CD2AP: variants seen among roughly 807,000 people sequenced by gnomAD.
The protein encoded by CD2AP is CD2 associated protein.
CD2AP carries 46 observed loss-of-function variants against 85.1 expected under a neutral mutation model. That is an observed-to-expected ratio of 0.54 (90% CI 0.43 to 0.69). The LOEUF is 0.69. Among genes scored for constraint, CD2AP ranks in the 30% least tolerant of loss-of-function variants. The probability of loss-of-function intolerance (pLI) is 0.00; values close to 1 mark genes in which losing one functional copy is unlikely to be tolerated. For synonymous variants in CD2AP, 255 were observed against 252.9 expected, an observed-to-expected ratio of 1.01 and a Z score of -0.08; for missense variants, 769 against 729.5, an observed-to-expected ratio of 1.05 and a Z score of -0.62.
At chr6:47,497,306 TTTTCCTTTCCTTTCC>T (rs760711476) in intron 1 of CD2AP, among the ~76,000 whole-genome samples, 5 of 102,656 alleles carry the variant, frequency 4.9e-5, no homozygotes, top group Non-Finnish European at 7.3e-5. Context: ...CCCGTTCCCT[TTTTCCTTTCCTTTCC>T]TTTCCTTTCC....
chr6:47,624,526 T>C lies in CD2AP; in HGVS notation c.*299T>C. 1 of 324,386 alleles carries C rather than the reference T, an allele frequency of 3.1e-6. No homozygotes were observed. The highest frequency in any genetic ancestry group is 4.5e-5 in the Admixed American group (1 of 22,230). 20.1% of individuals were successfully genotyped at this position (324,386 alleles called of 1,614,324 possible). ...AAGAATGTGCACAGTAGTTTTTTTATTGAAACTTGTATTATTTTTAAAGAG... is the reference window on the plus strand; with the variant it reads ...AAGAATGTGCACAGTAGTTTTTTTACTGAAACTTGTATTATTTTTAAAGAG... On this transcript the variant is annotated 3_prime_UTR_variant, in exon 18 of 18. Transcript: ENST00000359314.
At chr6:47,559,175 C>G (rs1767777597) in intron 5 of CD2AP, among the ~76,000 whole-genome samples, 1 of 151,152 alleles carries the variant, frequency 6.6e-6, no homozygotes, top group African/African-American at 2.4e-5. Context: ...GTGATCTCCC[C>G]TTTATCATTT....
At chr6:47,554,541 G>T in intron 4 of CD2AP, 105 bp from the exon 5 acceptor site, 1 of 1,087,538 alleles carries the variant, frequency 9.2e-7, no homozygotes, top group Non-Finnish European at 1.4e-6. Flanking sequence ...TTATTTCATA[G>T]TGCTAATTTT....
intron 13 of CD2AP, among the ~76,000 whole-genome samples, chr6:47,604,608 G>T (rs1364139512): frequency 6.6e-6 from 1 of 151,940 alleles, no homozygotes; most frequent in African/African-American, 2.4e-5. Context: ...GCACACATCA[G>T]TGTAAAAGCA....
intron 1 of CD2AP, among the ~76,000 whole-genome samples, chr6:47,479,743 G>T (rs1475712762): frequency 3.9e-5 from 6 of 152,132 alleles, no homozygotes; most frequent in Admixed American, 6.5e-5. Flanking sequence ...ACCTGGGGAT[G>T]CAGTCTTGTT....
intron 4 of CD2AP, among the ~76,000 whole-genome samples, chr6:47,549,528 A>C (rs540679156): frequency 6.6e-6 from 1 of 151,932 alleles, no homozygotes; most frequent in African/African-American, 2.4e-5. Flanking sequence ...AGACCTCAAC[A>C]AGAAAAACTA....
At chr6:47,618,546 A>G (rs1344093242) in intron 17 of CD2AP, among the ~76,000 whole-genome samples, 1 of 152,206 alleles carries the variant, frequency 6.6e-6, no homozygotes, top group Non-Finnish European at 1.5e-5. Flanking sequence ...CAAATTAATG[A>G]AAGTGTACAT....
At chr6:47,534,458 G>A (rs1024936666) in intron 3 of CD2AP, among the ~76,000 whole-genome samples, 94 of 152,172 alleles carry the variant, frequency 6.2e-4, no homozygotes, top group African/African-American at 2.2e-3. Flanking sequence ...TGTAATCCCA[G>A]CACTTTGGGA....
At position 47,574,257 on chromosome 6, in the gene CD2AP, A is replaced by G; in HGVS notation, c.729+6A>G. 1 of 1,612,544 alleles carries G rather than the reference A, an allele frequency of 6.2e-7. No homozygotes were observed. The highest frequency in any genetic ancestry group is 8.5e-7 in the Non-Finnish European group (1 of 1,178,656). ...AAGAGAAAAAACCAGAAAAGGTGGT[A>G]ATGATGGACTTGTTAGATTAACTCC... On this transcript the variant is annotated splice_donor_region_variant and intron_variant, in intron 6 of 17. Transcript: ENST00000359314.
intron 17 of CD2AP, among the ~76,000 whole-genome samples, chr6:47,618,376 A>G (rs1416869825): frequency 6.6e-6 from 1 of 152,142 alleles, no homozygotes. Context: ...AGAGATGTAT[A>G]TATAATAACT....
chr6:47,595,903 C>A lies in CD2AP; in HGVS notation c.1151C>A (p.Ala384Asp), dbSNP rs1768927592. 14 of 1,612,806 alleles carry A rather than the reference C, an allele frequency of 8.7e-6. No individual in the cohort carries two copies. Among genetic ancestry groups the A allele is most frequent in the Non-Finnish European group, 1.1e-5 (13 of 1,179,084 alleles). ...GAACAGAAACCTTCTAAACCAGCAGCTCCACAAGTCCCACCCAAGAAACCT... is the reference window on the plus strand; with the variant it reads ...GAACAGAAACCTTCTAAACCAGCAGATCCACAAGTCCCACCCAAGAAACCT... ...TLEQKPSKPA[A>D]PQVPPKKPTP... Residue 384 changes from alanine (A) to aspartate (D), a missense_variant, in exon 12 of 18, where the codon GCT becomes GAT. Transcript: ENST00000359314.
chr6:47,599,530 GTGGATAAAGT>G (rs1769058461), intron 13 of CD2AP, 87 bp downstream of exon 13: 8 of 1,190,062 alleles, frequency 6.7e-6, no homozygotes, highest in Admixed American at 2.2e-5. Flanking sequence ...CAATTTGTGT[GTGGATAAAGT>G]TGGATAAAGT....
intron 4 of CD2AP, chr6:47,545,275 C>T (rs952521365): frequency 6.4e-6 from 1 of 155,106 alleles, no homozygotes; most frequent in Non-Finnish European, 1.4e-5. Flanking sequence ...CGAGAGAACC[C>T]ACAGACCCTC....
chr6:47,502,358 G>A (rs1766017172), intron 1 of CD2AP, among the ~76,000 whole-genome samples: 1 of 150,852 alleles, frequency 6.6e-6, no homozygotes, highest in East Asian at 1.9e-4. Context: ...GCTCACCAAT[G>A]CCTTGACCTC....
At position 47,579,433 on chromosome 6, in the gene CD2AP, G is replaced by C. The variant is rs1384978905; in HGVS notation, c.952G>C (p.Gly318Arg). ...GAGGGGCGAACTTAATGGTAAAGAA[G>C]GAGTATTTCCAGACAATTTTGCTGT... ...WWRGELNGKE[G>R]VFPDNFAVQI... is the part of the protein sequence containing the mutation. Residue 318 changes from glycine to arginine, a missense_variant, in exon 9 of 18, where the codon GGA (glycine) becomes CGA (arginine). Transcript: ENST00000359314. 6.2e-7 allele frequency: 1 copy of C among 1,613,668 alleles called. No homozygotes were observed.
chr6:47,599,487 T>C, intron 13 of CD2AP, 44 bp downstream of exon 13: 2 of 1,553,566 alleles, frequency 1.3e-6, no homozygotes, highest in Non-Finnish European at 1.8e-6. Flanking sequence ...AAAAAAAAAT[T>C]GTCAAAGAAA....
intron 1 of CD2AP, among the ~76,000 whole-genome samples, chr6:47,496,927 A>G (rs1482401238): frequency 1.3e-5 from 2 of 152,140 alleles, no homozygotes; most frequent in Admixed American, 1.3e-4. Context: ...GTATTTGTGG[A>G]CTTAGCACTT....
intron 2 of CD2AP, among the ~76,000 whole-genome samples, chr6:47,505,715 G>C (rs1766135658): frequency 1.3e-5 from 1 of 74,906 alleles, no homozygotes; most frequent in Non-Finnish European, 3.3e-5. Flanking sequence ...GGCTGGCCGG[G>C]CTGAGGGGCT....
intron 1 of CD2AP, among the ~76,000 whole-genome samples, chr6:47,495,209 G>C (rs1449213591): frequency 6.6e-6 from 1 of 152,098 alleles, no homozygotes; most frequent in Non-Finnish European, 1.5e-5. Flanking sequence ...TAAGGATTTC[G>C]AGATGAAGAA....
Sources: allele counts gnomAD v4.1 joint callset (sites outside exome capture counted in the v4.1 genomes callset), GRCh38; gene constraint gnomAD v4.1.1; transcripts MANE v1.5; gene names NCBI Gene and HGNC (gene_info 2026-07-23, HGNC 2026-07-21).